The following ABCB1 variants were observed in gnomAD, a reference collection of about 807,000 sequenced individuals.
The protein encoded by ABCB1 is ATP-dependent translocase ABCB1.
In ABCB1, 69 loss-of-function variants were observed where a neutral mutation model predicts 142.0. The observed-to-expected ratio is 0.49, with a 90% CI of 0.40 to 0.59. The LOEUF (loss-of-function observed/expected upper bound fraction) is 0.59, where lower values mean the gene tolerates loss of function less well. Among genes scored for constraint, ABCB1 ranks in the 20% least tolerant of loss-of-function variants. The probability of loss-of-function intolerance (pLI) is 0.00; values close to 1 mark genes in which losing one functional copy is unlikely to be tolerated. For missense variants in ABCB1, 1,326 were observed against 1,554.7 expected, an observed-to-expected ratio of 0.85 and a Z score of 2.47; for synonymous variants, 532 against 539.2, an observed-to-expected ratio of 0.99 and a Z score of 0.18.
intron 3 of ABCB1, among the ~76,000 whole-genome samples, chr7:87,589,367 GA>G (rs1818890899): frequency 6.6e-6 from 1 of 152,128 alleles, no homozygotes; most frequent in Admixed American, 6.5e-5. Flanking sequence ...TACTGGTTTT[GA>G]AAATATAATA....
In ABCB1 at chr7:87,520,186, AT is replaced by A. The variant is rs895799682; in HGVS notation, c.2786+589del. Among the ~76,000 whole-genome samples the A allele has an allele frequency of 1.3e-3, 203 of 151,370 alleles. 1 individual carries two copies. The highest frequency in any genetic ancestry group is 4.7e-3 in the African/African-American group (193 of 41,206). On this transcript the variant is annotated intron_variant, in intron 22 of 27. Transcript: ENST00000622132. ...TCATCACATATGAAGATTTCAAATA[AT>A]TTTTTTTTAGACAAAAAGGCTCTAC...
chr7:87,678,542 G>A (rs917420769), intron 1 of ABCB1, among the ~76,000 whole-genome samples: 5 of 151,928 alleles, frequency 3.3e-5, no homozygotes, highest in Non-Finnish European at 5.9e-5. Context: ...AGAAGGTGGT[G>A]AAAAAAGGGA....
At chr7:87,638,380 T>TGTGTGTGTGTG (rs201685472) in intron 1 of ABCB1, among the ~76,000 whole-genome samples, 1 of 151,238 alleles carries the variant, frequency 6.6e-6, no homozygotes, top group African/African-American at 2.4e-5. Flanking sequence ...TGTGTGTGTG[T>TGTGTGTGTGTG]TTCCTCCCCT....
chr7:87,589,805 GGAGAGAGAGAGA>G (rs370840500), intron 3 of ABCB1, among the ~76,000 whole-genome samples: 2 of 105,366 alleles, frequency 1.9e-5, no homozygotes, highest in Non-Finnish European at 3.4e-5. Context: ...GAGAGAGAGA[GGAGAGAGAGAGA>G]GAGAGAGAGA....
At chr7:87,641,209 T>C (rs1328350839) in intron 1 of ABCB1, among the ~76,000 whole-genome samples, 1 of 152,230 alleles carries the variant, frequency 6.6e-6, no homozygotes, top group African/African-American at 2.4e-5. Flanking sequence ...CATAAGAACA[T>C]AGTATACAGT....
At chr7:87,667,842 A>C (rs566891082) in intron 1 of ABCB1, among the ~76,000 whole-genome samples, 2 of 152,178 alleles carry the variant, frequency 1.3e-5, no homozygotes, top group African/African-American at 2.4e-5. Context: ...AGCCTACTCA[A>C]TCTTGATGGA....
At chr7:87,511,986 T>C (rs898573276) in intron 25 of ABCB1, among the ~76,000 whole-genome samples, 3 of 152,066 alleles carry the variant, frequency 2.0e-5, no homozygotes, top group African/African-American at 4.8e-5. Context: ...CTCAATTACA[T>C]GTAAATTCTG....
chr7:87,509,920 G>A (rs751214861), intron 25 of ABCB1, among the ~76,000 whole-genome samples: 18 of 152,162 alleles, frequency 1.2e-4, no homozygotes, highest in Non-Finnish European at 2.6e-4. Context: ...GGAGGGAGAA[G>A]AGTATCAGCA....
chr7:87,536,331 G>C, intron 20 of ABCB1, 127 bp downstream of exon 20: 1 of 814,456 alleles, frequency 1.2e-6, no homozygotes, highest in Non-Finnish European at 2.1e-6. Context: ...TGATATATTC[G>C]TAGGTTAGAT....
intron 1 of ABCB1, among the ~76,000 whole-genome samples, chr7:87,634,178 A>G (rs981052394): frequency 2.6e-5 from 4 of 152,312 alleles, no homozygotes; most frequent in African/African-American, 7.2e-5. Flanking sequence ...GTACCAAGCC[A>G]TTCATGAAGT....
At chr7:87,596,007 A>G (rs1474674428) in intron 2 of ABCB1, among the ~76,000 whole-genome samples, 193 bp from the exon 3 acceptor site, 1 of 152,034 alleles carries the variant, frequency 6.6e-6, no homozygotes, top group African/African-American at 2.4e-5. Flanking sequence ...TATCTTAGAA[A>G]TCTACATACG....
At chr7:87,508,369 A>T (rs1235400390) in intron 26 of ABCB1, among the ~76,000 whole-genome samples, 1 of 152,250 alleles carries the variant, frequency 6.6e-6, no homozygotes, top group African/African-American at 2.4e-5. Flanking sequence ...TATGTGTATA[A>T]GGTATACATG....
intron 7 of ABCB1, among the ~76,000 whole-genome samples, chr7:87,563,826 A>G (rs1257416398): frequency 6.6e-6 from 1 of 152,140 alleles, no homozygotes; most frequent in Admixed American, 6.5e-5. Context: ...ATGGAATACT[A>G]TGCAGCCATA....
chr7:87,520,909 C>T (rs1412144982), intron 21 of ABCB1, 33 bp from the exon 22 acceptor site: 1 of 1,516,124 alleles, frequency 6.6e-7, no homozygotes, highest in Admixed American at 1.7e-5. Flanking sequence ...CCAAGAGGCA[C>T]AAGAGTAAAT....
At chr7:87,633,901 A>G (rs1455678637) in intron 1 of ABCB1, among the ~76,000 whole-genome samples, 1 of 152,154 alleles carries the variant, frequency 6.6e-6, no homozygotes, top group Admixed American at 6.5e-5. Context: ...GGTAGTTTAT[A>G]AAGAAAAGAG....
At chr7:87,631,076 T>C (rs1217543140) in intron 1 of ABCB1, among the ~76,000 whole-genome samples, 1 of 152,220 alleles carries the variant, frequency 6.6e-6, no homozygotes, top group Non-Finnish European at 1.5e-5. Context: ...AAATAAGTTG[T>C]GGTTTCTGCT....
Position 87,640,708 on chromosome 7 carries a change from T to C in ABCB1, c.-330-39630A>G, listed in dbSNP as rs566961732. ...TTTACCAGGCCTCACTTGATTCATA[T>C]TCTTTCCCATGGTTTCTATTCTTCT... On this transcript the variant is annotated intron_variant, in intron 1 of 28. Coordinates refer to the ABCB1 transcript ENST00000265724. Among the ~76,000 whole-genome samples, 91 of 152,268 alleles carry C rather than the reference T, an allele frequency of 6.0e-4. 1 individual carries two copies. Among genetic ancestry groups the C allele is most frequent in the African/African-American group, 2.2e-3 (90 of 41,574 alleles).
At chr7:87,709,485 A>C in intron 1 of ABCB1, 19 of 985,436 alleles carry the variant, frequency 1.9e-5, no homozygotes, top group South Asian at 4.7e-5. Flanking sequence ...GCACAGGGCA[A>C]GCTAAAAGGG....
intron 1 of ABCB1, among the ~76,000 whole-genome samples, chr7:87,656,256 AAATTTTTAAAT>A (rs1373524971): frequency 6.6e-6 from 1 of 152,124 alleles, no homozygotes; most frequent in Non-Finnish European, 1.5e-5. Context: ...GTCAATTTAA[AAATTTTTAAAT>A]AATTTTTAAA....
Sources: gnomAD v4.1 joint callset for allele counts (sites outside exome capture counted in the v4.1 genomes callset) on GRCh38, gnomAD v4.1.1 for gene constraint, MANE v1.5 for transcripts, NCBI Gene and HGNC (gene_info 2026-07-23, HGNC 2026-07-21) for gene names.